The following MAP4 variants were observed in gnomAD, a reference collection of about 807,000 sequenced individuals.
The protein encoded by MAP4 is microtubule-associated protein 4.
In MAP4, 76 loss-of-function variants were observed where a neutral mutation model predicts 170.2. The ratio of observed to expected loss-of-function variants is 0.45; its 90% CI spans 0.37 to 0.54. MAP4 has a LOEUF of 0.54. MAP4 is among the 20% of genes least tolerant of loss of function. The probability of loss-of-function intolerance (pLI) is 0.00; values close to 1 mark genes in which losing one functional copy is unlikely to be tolerated. For missense variants in MAP4, 2,506 were observed against 2,748.0 expected (o/e 0.91, Z 1.97); for synonymous variants, 909 against 994.5 (o/e 0.91, Z 1.62).
At position 47,938,532 on chromosome 3, in the gene MAP4, C is replaced by A. The variant is rs534580235; in HGVS notation, c.293-10182G>T. On this transcript the variant is annotated intron_variant, in intron 3 of 20. Coordinates refer to ENST00000683076, the MANE Select transcript of MAP4 (RefSeq NM_001385682.1). ...AAGGACACAGATGTGTGCCACTATGCCCTTCTAATTTATTATTGTTATTAT... is the reference window on the plus strand; with the variant it reads ...AAGGACACAGATGTGTGCCACTATGACCTTCTAATTTATTATTGTTATTAT... 8.5e-5 allele frequency among the ~76,000 whole-genome samples: 13 copies of A among 152,204 alleles called. No individual in the cohort carries two copies. In the South Asian group the frequency reaches 2.7e-3, roughly 32 times the overall value.
intron 9 of MAP4, among the ~76,000 whole-genome samples, chr3:47,908,446 G>GT (rs997878146): frequency 2.9e-4 from 44 of 152,134 alleles, no homozygotes; most frequent in African/African-American, 1.0e-3. Context: ...AAATGTATCT[G>GT]TATCATTGAG....
chr3:48,046,046 A>C (rs2100124434), intron 1 of MAP4, among the ~76,000 whole-genome samples: 1 of 144,094 alleles, frequency 6.9e-6, no homozygotes, highest in Admixed American at 7.2e-5. Flanking sequence ...GCTCACCTTC[A>C]CTAAGTTATT....
At chr3:47,900,390 T>C (rs886576671) in intron 10 of MAP4, among the ~76,000 whole-genome samples, 2 of 152,118 alleles carry the variant, frequency 1.3e-5, no homozygotes, top group Admixed American at 1.3e-4. Flanking sequence ...ATGAATAAGC[T>C]GAGGCGAATA....
At chr3:47,862,989 T>C (rs1256181989) in intron 17 of MAP4, among the ~76,000 whole-genome samples, 2 of 152,060 alleles carry the variant, frequency 1.3e-5, no homozygotes, top group Admixed American at 6.6e-5. Context: ...TGGTTTTTGT[T>C]TTTTGAGACG....
intron 1 of MAP4, among the ~76,000 whole-genome samples, chr3:48,079,440 G>C (rs904922397): frequency 1.3e-5 from 2 of 149,846 alleles, no homozygotes; most frequent in Non-Finnish European, 3.0e-5. Flanking sequence ...CATCACTTGA[G>C]GTCAGGAGTT....
intron 5 of MAP4, 138 bp from the exon 6 acceptor site, chr3:47,918,979 C>G (rs2100041234): frequency 1.6e-6 from 1 of 611,468 alleles, no homozygotes; most frequent in African/African-American, 1.9e-5. Flanking sequence ...CCCACGCAGA[C>G]AGAGTGAAGT....
At chr3:47,882,014 G>T (rs966167135) in intron 10 of MAP4, among the ~76,000 whole-genome samples, 3 of 152,148 alleles carry the variant, frequency 2.0e-5, no homozygotes, top group Admixed American at 6.5e-5. Flanking sequence ...AGTGGCTCAC[G>T]CCTGTAATCC....
intron 3 of MAP4, among the ~76,000 whole-genome samples, chr3:47,932,772 G>A (rs2100050614): frequency 6.6e-6 from 1 of 152,166 alleles, no homozygotes; most frequent in Admixed American, 6.5e-5. Flanking sequence ...GACTATTCGG[G>A]TGCAGCGGCT....
At chr3:47,879,077 G>C in intron 10 of MAP4, among the ~76,000 whole-genome samples, 1 of 152,134 alleles carries the variant, frequency 6.6e-6, no homozygotes. Flanking sequence ...AAATGTGCAA[G>C]GTTTCCACCA....
intron 15 of MAP4, among the ~76,000 whole-genome samples, chr3:47,870,601 C>T (rs2089923181): frequency 6.6e-6 from 1 of 152,180 alleles, no homozygotes; most frequent in Non-Finnish European, 1.5e-5. Flanking sequence ...GCCTTTCTTA[C>T]TGAGACAGGA....
At chr3:48,071,311 A>C (rs2100140903) in intron 1 of MAP4, among the ~76,000 whole-genome samples, 1 of 151,630 alleles carries the variant, frequency 6.6e-6, no homozygotes, top group Admixed American at 6.6e-5. Context: ...GGAGGCCAAG[A>C]TGGGCAGATC....
At chr3:47,981,318 G>T (rs1172474910) in intron 2 of MAP4, among the ~76,000 whole-genome samples, 1 of 152,108 alleles carries the variant, frequency 6.6e-6, no homozygotes, top group Non-Finnish European at 1.5e-5. Context: ...TATTAGGGAG[G>T]CTAAGGCAGA....
chr3:48,087,749 A>G lies in MAP4; in HGVS notation c.-20+1024T>C, dbSNP rs766148971. ...CACGCGCACACACACGCACGCGCAC[A>G]CACACACACACACACACACACACAC... On this transcript the variant is annotated intron_variant, in intron 1 of 18. Coordinates refer to the MAP4 transcript ENST00000360240. Among the ~76,000 whole-genome samples the G allele has an allele frequency of 6.8e-3, 789 of 116,396 alleles. 3 individuals carry two copies. Among genetic ancestry groups the G allele is most frequent in the African/African-American group, 0.018 (465 of 25,402 alleles). The allele number at this position is 116,396 out of a possible 152,430, so 76.4% of individuals were successfully genotyped here. A position where few individuals can be genotyped will look rare whatever the true frequency, so the allele number is the denominator to read the frequency against.
intron 3 of MAP4, among the ~76,000 whole-genome samples, chr3:47,944,161 T>A (rs1228854729): frequency 6.6e-6 from 1 of 151,630 alleles, no homozygotes; most frequent in Admixed American, 6.6e-5. Context: ...AATACAAAAA[T>A]TAGCTGGGTG....
intron 3 of MAP4, among the ~76,000 whole-genome samples, chr3:47,935,554 CG>C (rs1427154795): frequency 6.6e-6 from 1 of 151,938 alleles, no homozygotes; most frequent in African/African-American, 2.4e-5. Flanking sequence ...CTTTCCCCAC[CG>C]AAGAAGTAGA....
intron 3 of MAP4, among the ~76,000 whole-genome samples, chr3:47,931,469 T>G (rs1250429575): frequency 3.3e-5 from 5 of 152,120 alleles, no homozygotes; most frequent in Non-Finnish European, 5.9e-5. Context: ...TTTTTGTTTT[T>G]CTCAAAGTTG....
In MAP4 at chr3:47,851,415, T is replaced by A. The variant is rs115680786; in HGVS notation, c.*1519A>T. On this transcript the variant is annotated 3_prime_UTR_variant, in exon 21 of 21. Transcript: ENST00000683076. ...TCAAGACCCCTACCTTCTCCAGGGA[T>A]GCCAGGACCAGAGAAGGGCAGAGGT... 60 of 152,314 alleles carry A rather than the reference T, an allele frequency of 3.9e-4. 1 individual carries two copies. Among genetic ancestry groups the A allele is most frequent in the African/African-American group, 1.4e-3 (59 of 41,544 alleles). 9.4% of individuals were successfully genotyped at this position (152,314 alleles called of 1,614,324 possible). A position where few individuals can be genotyped will look rare whatever the true frequency, so the allele number is the denominator to read the frequency against.
intron 17 of MAP4, among the ~76,000 whole-genome samples, chr3:47,862,768 C>T (rs751571244): frequency 1.6e-4 from 24 of 151,918 alleles, no homozygotes; most frequent in Non-Finnish European, 2.6e-4. Flanking sequence ...TGAGCCACCG[C>T]GCCCAGCTAT....
At position 47,852,835 on chromosome 3, in the gene MAP4, G is replaced by A. The variant is rs1168631405; in HGVS notation, c.*99C>T. On this transcript the variant is annotated 3_prime_UTR_variant, in exon 21 of 21. Transcript: ENST00000683076. ...AAGGGGGCCAAGGACCCGGGAGCCC[G>A]AGTTGGGGCCGCCAGGGAAGTGTGG... The A allele has an allele frequency of 1.2e-5, 18 of 1,553,852 alleles. No homozygotes were observed. The highest frequency in any genetic ancestry group is 2.7e-5 in the African/African-American group (2 of 73,134).
Sources: gnomAD v4.1 joint callset for allele counts (sites outside exome capture counted in the v4.1 genomes callset) on GRCh38, gnomAD v4.1.1 for gene constraint, MANE v1.5 for transcripts, NCBI Gene and HGNC (gene_info 2026-07-23, HGNC 2026-07-21) for gene names.